RSU1: variants seen among roughly 807,000 people sequenced by gnomAD.
RSU1 encodes rsu-1.
RSU1 carries 26 observed loss-of-function variants against 31.1 expected under a neutral mutation model. The ratio of observed to expected loss-of-function variants is 0.84; its 90% CI spans 0.61 to 1.16. The LOEUF (loss-of-function observed/expected upper bound fraction) is 1.16. Among genes scored for constraint, RSU1 ranks in the 50% most tolerant of loss-of-function variants. The pLI is 0.00. For synonymous variants in RSU1, 164 were observed against 136.3 expected (o/e 1.20, Z -1.41); for missense variants, 320 against 339.1 (o/e 0.94, Z 0.44).
chr10:16,632,132 CTT>C (rs1207484068), intron 8 of RSU1, among the ~76,000 whole-genome samples: 1 of 152,148 alleles, frequency 6.6e-6, no homozygotes, highest in African/African-American at 2.4e-5. Flanking sequence ...GCATCATTAT[CTT>C]TGTCTTCTAA....
intron 8 of RSU1, among the ~76,000 whole-genome samples, chr10:16,691,549 C>G (rs1378956514): frequency 6.6e-6 from 1 of 151,808 alleles, no homozygotes; most frequent in African/African-American, 2.4e-5. Context: ...TTCTCCTTCC[C>G]AAGGAGGACA....
chr10:16,639,455 T>C (rs1254900241), intron 8 of RSU1, among the ~76,000 whole-genome samples: 4 of 152,214 alleles, frequency 2.6e-5, no homozygotes, highest in Non-Finnish European at 5.9e-5. Context: ...GGCAATCCTA[T>C]TGATTAGTAT....
intron 2 of RSU1, among the ~76,000 whole-genome samples, chr10:16,805,426 T>C (rs1290241248): frequency 4.0e-5 from 6 of 151,872 alleles, no homozygotes; most frequent in African/African-American, 1.5e-4. Context: ...AATCCGAACA[T>C]TTTGGGAGGC....
chr10:16,712,144 C>G (rs1488541708), intron 7 of RSU1, among the ~76,000 whole-genome samples: 2 of 152,118 alleles, frequency 1.3e-5, no homozygotes, highest in Non-Finnish European at 2.9e-5. Context: ...ACAATTATAG[C>G]TACTCCTGCT....
chr10:16,720,308 G>A (rs114360818), intron 7 of RSU1, among the ~76,000 whole-genome samples: 1,770 of 152,242 alleles, frequency 0.012, 42 homozygotes, highest in African/African-American at 0.04. Flanking sequence ...ATTCTGGATA[G>A]CAATGAACAT....
intron 8 of RSU1, among the ~76,000 whole-genome samples, chr10:16,647,428 T>C (rs1338716274): frequency 6.6e-6 from 1 of 152,166 alleles, no homozygotes; most frequent in Non-Finnish European, 1.5e-5. Context: ...AAAACGTATG[T>C]CCATGCAAAA....
intron 8 of RSU1, among the ~76,000 whole-genome samples, chr10:16,664,955 T>C (rs1834961181): frequency 6.6e-6 from 1 of 152,096 alleles, no homozygotes; most frequent in South Asian, 2.1e-4. Context: ...CTTTCTTCTT[T>C]TTTTCTGAGA....
rs1838551705 is a variant in RSU1, at chr10:16,817,029, G to A, written c.53C>T (p.Pro18Leu). ...GCCCCGGTCACTCATGTCCACCTCG[G>A]GCTGGTTCTTCTCCCGGCTCTCCTC... ...LVEESREKNQ[P>L]EVDMSDRGIS... The change falls in exon 2 of 9, where the codon CCC becomes CTC. Residue 18 changes from proline (P) to leucine (L), a missense_variant. Physicochemically the swap from Pro to Leu is moderately conservative, Grantham distance 98 (BLOSUM62 -3). Coordinates refer to ENST00000345264, the MANE Select transcript of RSU1 (RefSeq NM_012425.4). The A allele has an allele frequency of 1.2e-6, 2 of 1,614,214 alleles. No homozygotes were observed. Among genetic ancestry groups the A allele is most frequent in the East Asian group, 2.2e-5 (1 of 44,878 alleles).
chr10:16,593,351 G>T lies in RSU1; in HGVS notation c.*43C>A, dbSNP rs745767239. On this transcript the variant is annotated 3_prime_UTR_variant, in exon 9 of 9. Coordinates refer to ENST00000345264, the MANE Select transcript of RSU1 (RefSeq NM_012425.4). ...CAGGGCAAGAGAGAATGAAGTGTTG[G>T]AGAGAGAAGGTGCTGGAAGGCCAGC... 6.2e-6 allele frequency: 10 copies of T among 1,613,516 alleles called. No homozygotes were observed. Among genetic ancestry groups the T allele is most frequent in the Non-Finnish European group, 6.8e-6 (8 of 1,179,770 alleles).
chr10:16,694,383 A>T (rs565140467), intron 8 of RSU1, among the ~76,000 whole-genome samples: 32 of 152,300 alleles, frequency 2.1e-4, no homozygotes, highest in Middle Eastern at 3.4e-3. Context: ...TGTTCAGAAC[A>T]CTTGTAATTC....
At chr10:16,608,196 G>A (rs1379113530) in intron 8 of RSU1, among the ~76,000 whole-genome samples, 7 of 152,186 alleles carry the variant, frequency 4.6e-5, no homozygotes. Context: ...GGATTTTCTG[G>A]AAGGTGAATG....
At chr10:16,726,964 C>A in intron 7 of RSU1, 2 of 431,878 alleles carry the variant, frequency 4.6e-6, no homozygotes, top group South Asian at 1.7e-5. Flanking sequence ...ATTCTGATGA[C>A]TAAACTTGTT....
At chr10:16,615,726 C>G (rs1564286945) in intron 8 of RSU1, among the ~76,000 whole-genome samples, 1 of 152,202 alleles carries the variant, frequency 6.6e-6, no homozygotes, top group Non-Finnish European at 1.5e-5. Context: ...TTAAGAAACA[C>G]TCAAAACTGC....
chr10:16,711,319 G>A (rs1160433148), intron 7 of RSU1, among the ~76,000 whole-genome samples: 6 of 126,346 alleles, frequency 4.7e-5, no homozygotes, highest in Admixed American at 1.6e-4. Flanking sequence ...AAAGTTTGTT[G>A]ATTTTGCTTA....
At chr10:16,796,552 T>C (rs539570263) in intron 2 of RSU1, among the ~76,000 whole-genome samples, 6 of 152,270 alleles carry the variant, frequency 3.9e-5, no homozygotes, top group South Asian at 4.1e-4. Context: ...GCTCCCACAA[T>C]GGCAGCTTCA....
chr10:16,742,304 A>C (rs551481359), intron 7 of RSU1, among the ~76,000 whole-genome samples: 1 of 152,194 alleles, frequency 6.6e-6, no homozygotes, highest in Non-Finnish European at 1.5e-5. Context: ...CTAAATATAA[A>C]TATGAAAGAC....
At position 16,685,573 on chromosome 10, in the gene RSU1, A is replaced by G. The variant is rs982129806; in HGVS notation, c.731+9450T>C. Among the ~76,000 whole-genome samples the G allele has an allele frequency of 1.3e-5, 2 of 149,146 alleles. 1 individual carries two copies. The highest frequency in any genetic ancestry group is 5.2e-5 in the African/African-American group (2 of 38,576). The stretch of plus-strand genomic sequence containing the variant: ...TCCTGACATTGCCATGGCATTTCTA[A>G]GCTGTCATGGCGCTGATGGGAGGGT... On this transcript the variant is annotated intron_variant, in intron 8 of 8. Coordinates refer to ENST00000345264, the MANE Select transcript of RSU1 (RefSeq NM_012425.4).
intron 7 of RSU1, among the ~76,000 whole-genome samples, chr10:16,711,199 T>C (rs140957883): frequency 2.0e-3 from 307 of 152,304 alleles, no homozygotes; most frequent in African/African-American, 7.0e-3. Context: ...TGTTGGCATA[T>C]AGCAGCTCAT....
intron 2 of RSU1, among the ~76,000 whole-genome samples, chr10:16,812,489 T>C (rs1364974508): frequency 6.6e-6 from 1 of 151,952 alleles, no homozygotes; most frequent in Non-Finnish European, 1.5e-5. Flanking sequence ...TTTTAATAGA[T>C]TATATCTAAA....
Sources: gnomAD v4.1 joint callset for allele counts (sites outside exome capture counted in the v4.1 genomes callset) on GRCh38, gnomAD v4.1.1 for gene constraint, MANE v1.5 for transcripts, NCBI Gene and HGNC (gene_info 2026-07-23, HGNC 2026-07-21) for gene names.